CLCN5: variants seen among roughly 807,000 people sequenced by gnomAD.
CLCN5 encodes the protein Cl-/H+ antiporter 5, also known as H(+)/Cl(-) exchange transporter 5.
Under a neutral mutation model 54.0 loss-of-function variants are expected in CLCN5, and 17 were observed. That is an observed-to-expected ratio of 0.31 (90% confidence interval 0.22 to 0.47). The LOEUF is 0.47. Among genes scored for constraint, CLCN5 ranks in the 20% least tolerant of loss-of-function variants. CLCN5 has a pLI of 1.00. For missense variants in CLCN5, 448 were observed against 646.7 expected, an observed-to-expected ratio of 0.69 and a Z score of 3.33; for synonymous variants, 222 against 233.0, an observed-to-expected ratio of 0.95 and a Z score of 0.43.
chrX:49,924,163 G>C (rs1479471099), intron 2 of CLCN5, among the ~76,000 whole-genome samples: 1 of 48,767 alleles, frequency 2.1e-5, no homozygotes, highest in East Asian at 5.9e-4. Flanking sequence ...TTTTTTTTTT[G>C]GTTTGAGCCG....
intron 3 of CLCN5, among the ~76,000 whole-genome samples, chrX:49,972,353 TCCTC>T (rs1293477082): frequency 2.9e-4 from 32 of 111,587 alleles, no homozygotes; most frequent in African/African-American, 1.0e-3. Context: ...TTTTTATCCT[TCCTC>T]CCTCTGTTTT....
chrX:50,095,872 GTTTAT>G lies in CLCN5; in HGVS notation c.*3657_*3661del, dbSNP rs1934247391. On this transcript the variant is annotated 3_prime_UTR_variant, in exon 15 of 15. Transcript: ENST00000376091. ...CTGTTGTGGTTCAGTCTTGATTATT[GTTTAT>G]TTTGTTAGGTGATAAGTAGGAAGAT... 8.9e-6 allele frequency: 1 copy of G among 112,515 alleles called. No individual in the cohort carries two copies. The highest frequency in any genetic ancestry group is 9.4e-5 in the Admixed American group (1 of 10,649). 9.3% of individuals were successfully genotyped at this position (112,515 alleles called of 1,213,427 possible).
chrX:49,935,867 G>C (rs1557169578), intron 3 of CLCN5, among the ~76,000 whole-genome samples: 3 of 110,888 alleles, frequency 2.7e-5, no homozygotes, highest in Non-Finnish European at 5.7e-5. Flanking sequence ...TATAGGCCAT[G>C]TTACCAAGTA....
intron 3 of CLCN5, among the ~76,000 whole-genome samples, chrX:49,989,619 ACATTG>A (rs1363170349): frequency 8.9e-6 from 1 of 111,953 alleles, no homozygotes; most frequent in East Asian, 2.8e-4. Context: ...CTACTTTCCA[ACATTG>A]CCCTGTGACA....
intron 4 of CLCN5, among the ~76,000 whole-genome samples, chrX:50,045,299 A>G (rs1252137441): frequency 2.7e-5 from 3 of 111,840 alleles, no homozygotes; most frequent in African/African-American, 9.7e-5. Flanking sequence ...TCATCTGCCT[A>G]CTTCTACCAA....
chrX:49,948,916 A>G (rs1294425537), intron 3 of CLCN5, among the ~76,000 whole-genome samples: 1 of 112,635 alleles, frequency 8.9e-6, no homozygotes, highest in Non-Finnish European at 1.9e-5. Context: ...AAAAAGATAC[A>G]TGGATAATCT....
At position 50,096,874 on chromosome X, in the gene CLCN5, G is replaced by A. The variant is rs1348294024; in HGVS notation, c.*4655G>A. The stretch of plus-strand genomic sequence containing the variant: ...AAGCAAATGAGTGGTTCAAAGCAGT[G>A]TTTGGCTCAAGGGCAGTCTGGTTTT... On this transcript the variant is annotated 3_prime_UTR_variant, in exon 15 of 15. Transcript: ENST00000376091. 1.8e-5 allele frequency: 2 copies of A among 112,279 alleles called. No homozygotes were observed. Among genetic ancestry groups the A allele is most frequent in the Non-Finnish European group, 3.8e-5 (2 of 53,228 alleles). The allele number at this position is 112,279 out of a possible 1,213,427, so 9.3% of individuals were successfully genotyped here. A position where few individuals can be genotyped will look rare whatever the true frequency, so the allele number is the denominator to read the frequency against.
intron 3 of CLCN5, among the ~76,000 whole-genome samples, chrX:50,002,954 G>A (rs1231694222): frequency 9.0e-6 from 1 of 111,414 alleles, no homozygotes; most frequent in Non-Finnish European, 1.9e-5. Flanking sequence ...TACTATACTG[G>A]TGTTAGGAAT....
At chrX:49,973,697 A>G (rs897093445) in intron 3 of CLCN5, among the ~76,000 whole-genome samples, 1 of 110,225 alleles carries the variant, frequency 9.1e-6, no homozygotes, top group Non-Finnish European at 1.9e-5. Context: ...TGAAAGCAGT[A>G]GCAATCAGTA....
intron 3 of CLCN5, among the ~76,000 whole-genome samples, chrX:49,929,363 C>T (rs1313889895): frequency 8.9e-6 from 1 of 112,029 alleles, no homozygotes; most frequent in Non-Finnish European, 1.9e-5. Flanking sequence ...TAATAACCTC[C>T]AGCCAGTTTG....
At chrX:50,025,778 T>A (rs782424214) in intron 3 of CLCN5, among the ~76,000 whole-genome samples, 1 of 111,285 alleles carries the variant, frequency 9.0e-6, no homozygotes, top group South Asian at 3.8e-4. Flanking sequence ...CTTTCATGCT[T>A]ACTTAACCGG....
chrX:50,000,300 C>T (rs1217235230), intron 3 of CLCN5, among the ~76,000 whole-genome samples: 2 of 110,129 alleles, frequency 1.8e-5, no homozygotes, highest in African/African-American at 3.3e-5. Context: ...TCCTACCCCA[C>T]GCATGGCTTA....
intron 7 of CLCN5, among the ~76,000 whole-genome samples, chrX:50,079,697 A>G (rs1294447185): frequency 2.7e-5 from 3 of 111,599 alleles, no homozygotes; most frequent in African/African-American, 6.5e-5. Flanking sequence ...TGTGGTACCA[A>G]AATTTTCTTG....
intron 3 of CLCN5, among the ~76,000 whole-genome samples, chrX:50,025,893 A>G (rs781982517): frequency 1.8e-5 from 2 of 111,525 alleles, no homozygotes; most frequent in South Asian, 7.5e-4. Flanking sequence ...TTTCTGCTCT[A>G]AGTTTTATTA....
At position 50,070,026 on chromosome X, in the gene CLCN5, G is replaced by A. The variant is rs1247989579; in HGVS notation, c.311G>A (p.Arg104Gln). ...REKSRDRDRH[R>Q]EITNKSKEST... The stretch of plus-strand genomic sequence containing the variant: ...AAGTCTCGAGACCGGGATAGGCACC[G>A]AGAGGTAAGACAAAAGATGGCACAT... Residue 104 changes from arginine (R) to glutamine (Q), a missense_variant, in exon 5 of 15, where the codon CGA (arginine) becomes CAA (glutamine). Around this residue, in one of 5 missense-constraint regions of CLCN5, gnomAD observed 41 missense variants for 71.3 expected, o/e 0.58. Coordinates refer to ENST00000376091, the MANE Select transcript of CLCN5 (RefSeq NM_001127898.4). 3 of 1,207,151 alleles carry A rather than the reference G, an allele frequency of 2.5e-6. No homozygotes were observed. Among genetic ancestry groups the A allele is most frequent in the Non-Finnish European group, 3.4e-6 (3 of 892,406 alleles).
At chrX:50,073,061 A>T (rs1933277545) in intron 6 of CLCN5, among the ~76,000 whole-genome samples, 1 of 110,785 alleles carries the variant, frequency 9.0e-6, no homozygotes, top group Non-Finnish European at 1.9e-5. Flanking sequence ...TCATTCTTTC[A>T]TAGTGGCTGG....
rs1339795227 is a variant in CLCN5, at chrX:49,948,120, C to T, written c.16+22806C>T. On this transcript the variant is annotated intron_variant, in intron 3 of 14. Transcript: ENST00000376091. ...GTTCTTTACCTTTTTTCTCTTTATA[C>T]TCACTGCCTCAGAGATTTCATCTAC... Among the ~76,000 whole-genome samples, 7 of 108,533 alleles carry T rather than the reference C, an allele frequency of 6.4e-5. No individual in the cohort carries two copies. In the East Asian group the frequency reaches 2.0e-3, roughly 31 times the overall value. The allele number at this position is 108,533 out of a possible 115,157, so 94.2% of individuals were successfully genotyped here.
intron 3 of CLCN5, among the ~76,000 whole-genome samples, chrX:50,030,307 CTG>C (rs1311408173): frequency 9.0e-6 from 1 of 111,353 alleles, no homozygotes; most frequent in Admixed American, 9.6e-5. Context: ...TAAAGTAATA[CTG>C]TGTTTCAGTA....
At chrX:50,077,613 A>C (rs970024977) in intron 7 of CLCN5, among the ~76,000 whole-genome samples, 1 of 91,145 alleles carries the variant, frequency 1.1e-5, no homozygotes, top group Admixed American at 1.2e-4. Flanking sequence ...AGAGAGAGAG[A>C]GAGAGAGAGT....
Sources: gnomAD v4.1 joint callset for allele counts (sites outside exome capture counted in the v4.1 genomes callset) on GRCh38, gnomAD v4.1.1 for gene constraint, gnomAD v4.1.1 regional missense constraint, MANE v1.5 for transcripts, NCBI Gene and HGNC (gene_info 2026-07-23, HGNC 2026-07-21) for gene names.